PPL: variants seen among roughly 807,000 people sequenced by gnomAD.
PPL encodes 190 kDa paraneoplastic pemphigus antigen.
In PPL, 198 loss-of-function variants were observed where a neutral mutation model predicts 194.4. The observed-to-expected ratio is 1.02, with a 90% CI of 0.91 to 1.15. PPL has a LOEUF of 1.15. PPL is among the 50% of genes most tolerant of loss of function. The probability of loss-of-function intolerance (pLI) is 0.00; values close to 1 mark genes in which losing one functional copy is unlikely to be tolerated. For missense variants in PPL, 2,885 were observed against 2,294.8 expected (o/e 1.26, Z -5.25); for synonymous variants, 1,220 against 972.4 (o/e 1.25, Z -4.74).
chr16:4,893,595 T>G lies in PPL; in HGVS notation c.1438A>C (p.Ser480Arg). Residue 480 changes from serine (S) to arginine (R), a missense_variant, in exon 13 of 22, where the codon AGC (serine) becomes CGC (arginine). Transcript: ENST00000345988. ...YRSVRQKAAG[S>R]KRTLQQRYEV... ...TACCGCTGCTGCAGCGTGCGTTTGCTCCCAGCTGCCTTCTGCCGCACGCTC... is the reference window on the plus strand; with the variant it reads ...TACCGCTGCTGCAGCGTGCGTTTGCGCCCAGCTGCCTTCTGCCGCACGCTC... The G allele has an allele frequency of 6.2e-7, 1 of 1,610,500 alleles. No homozygotes were observed. The highest frequency in any genetic ancestry group is 8.5e-7 in the Non-Finnish European group (1 of 1,179,424).
At chr16:4,901,440 G>A (rs553524613) in intron 4 of PPL, among the ~76,000 whole-genome samples, 1 of 152,186 alleles carries the variant, frequency 6.6e-6, no homozygotes, top group Admixed American at 6.5e-5. Flanking sequence ...TGTCATCCAG[G>A]CACTTTGGGA....
chr16:4,920,319 A>AAAAGAAAG (rs879640822), intron 1 of PPL, among the ~76,000 whole-genome samples: 39 of 70,418 alleles, frequency 5.5e-4, no homozygotes, highest in African/African-American at 1.0e-3. Flanking sequence ...AGAAGGAAAG[A>AAAAGAAAG]AAAGAAAGAA....
intron 1 of PPL, 148 bp downstream of exon 1, chr16:4,936,836 C>T: frequency 1.3e-6 from 1 of 749,050 alleles, no homozygotes; most frequent in Non-Finnish European, 1.9e-6. Flanking sequence ...CTCGGTCCCG[C>T]GTTCCCGAGA....
Position 4,888,192 on chromosome 16 carries a change from T to C in PPL, c.2424A>G (p.Leu808=). ...VKDYELEAEK[L]RSLLDLENGR... ...CATTCTCCAAGTCGAGAAGAGACCTTAGTTTTTCTGCTTCTAACTCATAGT... is the reference window on the plus strand; with the variant it reads ...CATTCTCCAAGTCGAGAAGAGACCTCAGTTTTTCTGCTTCTAACTCATAGT... Residue 808 remains leucine (L), a synonymous_variant, in exon 20 of 22, where the codon CTA becomes CTG. Transcript: ENST00000345988. 6.2e-7 allele frequency: 1 copy of C among 1,613,046 alleles called. No individual in the cohort carries two copies. Among genetic ancestry groups the C allele is most frequent in the Non-Finnish European group, 8.5e-7 (1 of 1,179,042 alleles).
At chr16:4,888,642 A>G (rs1426317949) in intron 19 of PPL, 2 of 357,038 alleles carry the variant, frequency 5.6e-6, no homozygotes, top group Admixed American at 8.4e-5. Context: ...TCCACTGGAC[A>G]CCAGTCCTTT....
intron 4 of PPL, among the ~76,000 whole-genome samples, chr16:4,901,948 A>G (rs1241531250): frequency 2.9e-5 from 2 of 68,578 alleles, no homozygotes; most frequent in Non-Finnish European, 8.3e-5. Flanking sequence ...TCAAAAATAA[A>G]TAAATAAATA....
intron 2 of PPL, among the ~76,000 whole-genome samples, chr16:4,908,171 A>C (rs1440133144): frequency 6.6e-6 from 1 of 150,974 alleles, no homozygotes; most frequent in Non-Finnish European, 1.5e-5. Flanking sequence ...CCAAAAAAAA[A>C]AAAAAAAAAA....
chr16:4,895,157 G>A, intron 11 of PPL, 104 bp downstream of exon 11: 1 of 1,377,236 alleles, frequency 7.3e-7, no homozygotes. Context: ...ACCAACCACG[G>A]AGACAGGCAC....
chr16:4,890,443 C>T, intron 17 of PPL, 109 bp from the exon 18 acceptor site: 5 of 1,335,088 alleles, frequency 3.7e-6, no homozygotes, highest in Non-Finnish European at 5.0e-6. Context: ...CCAGAAATAC[C>T]CCAAGTATCT....
chr16:4,893,874 A>G (rs2088368508), intron 12 of PPL: 1 of 564,698 alleles, frequency 1.8e-6, no homozygotes, highest in Non-Finnish European at 3.2e-6. Flanking sequence ...TGTCTGTCCA[A>G]TAATCACCAC....
intron 18 of PPL, 52 bp downstream of exon 18, chr16:4,890,125 TTGACCTC>T: frequency 6.2e-7 from 1 of 1,611,972 alleles, no homozygotes; most frequent in Non-Finnish European, 8.5e-7. Flanking sequence ...AAGGGGCTTG[TTGACCTC>T]TGACCCTCCC....
Position 4,885,659 on chromosome 16 carries a change from C to T in PPL, c.2996G>A (p.Arg999His), listed in dbSNP as rs995161814. 30 of 1,612,700 alleles carry T rather than the reference C, an allele frequency of 1.9e-5. No individual in the cohort carries two copies. The highest frequency in any genetic ancestry group is 6.7e-5 in the African/African-American group (5 of 74,796). Reference protein sequence around the residue: ...GQEYVVKEVLRIEPDRAQADE... With the variant: ...GQEYVVKEVLHIEPDRAQADE... ...CGCCTGGGCCCTGTCAGGCTCGATG[C>T]GCAGGACCTCCTTGACCACGTACTC... The change falls in exon 22 of 22, where the codon CGC becomes CAC. Residue 999 changes from arginine (R) to histidine (H), a missense_variant. Coordinates refer to ENST00000345988, the MANE Select transcript of PPL (RefSeq NM_002705.5). The surrounding 1 kb of genome is among the most constrained non-coding windows in gnomAD (Gnocchi z 6.3).
intron 1 of PPL, among the ~76,000 whole-genome samples, chr16:4,923,887 G>A (rs1398752368): frequency 6.6e-6 from 1 of 152,208 alleles, no homozygotes; most frequent in African/African-American, 2.4e-5. Flanking sequence ...GCCAGGGCAG[G>A]GCTCTTTGTC....
intron 2 of PPL, among the ~76,000 whole-genome samples, chr16:4,909,717 T>C (rs970144173): frequency 3.9e-5 from 6 of 152,032 alleles, no homozygotes; most frequent in African/African-American, 1.4e-4. Flanking sequence ...GTGTGAGCCA[T>C]TACGCACCTG....
intron 16 of PPL, 68 bp downstream of exon 16, chr16:4,891,743 C>A: frequency 6.6e-7 from 1 of 1,525,026 alleles, no homozygotes; most frequent in Non-Finnish European, 8.8e-7. Context: ...TCCAGACGGG[C>A]GGGTGGATGT....
chr16:4,920,371 G>GAAAGAAAGAAAGAAAGAAAGAAAGAAA lies in PPL; in HGVS notation c.63-9423_63-9422insTTTCTTTCTTTCTTTCTTTCTTTCTTT. ...AGAAAGAAAGAAAGAAAGAAAGAAAGGACACCTCGGTCAAATTTCAAAGAC... is the reference window on the plus strand; with the variant it reads ...AGAAAGAAAGAAAGAAAGAAAGAAAGAAAGAAAGAAAGAAAGAAAGAAAGAAAGACACCTCGGTCAAATTTCAAAGAC... On this transcript the variant is annotated intron_variant, in intron 1 of 21. Coordinates refer to ENST00000345988, the MANE Select transcript of PPL (RefSeq NM_002705.5). 9.3e-3 allele frequency among the ~76,000 whole-genome samples: 878 copies of GAAAGAAAGAAAGAAAGAAAGAAAGAAA among 94,176 alleles called. 286 individuals carry two copies. The highest frequency in any genetic ancestry group is 0.015 in the South Asian group (34 of 2,222). The allele number at this position is 94,176 out of a possible 152,430, so 61.8% of individuals were successfully genotyped here.
intron 20 of PPL, among the ~76,000 whole-genome samples, chr16:4,887,793 G>C (rs745800940): frequency 1.3e-5 from 2 of 152,090 alleles, no homozygotes; most frequent in African/African-American, 2.4e-5. Context: ...ATGGGGTCCT[G>C]CTTTGTTGCC....
chr16:4,894,756 G>GTCCAAGT, intron 11 of PPL, 138 bp from the exon 12 acceptor site: 3 of 976,614 alleles, frequency 3.1e-6, no homozygotes, highest in Non-Finnish European at 4.4e-6. Flanking sequence ...AGTGGGGAGG[G>GTCCAAGT]GCATGCAGGA....
chr16:4,921,473 TATTG>T (rs1403977791), intron 1 of PPL, among the ~76,000 whole-genome samples: 1 of 152,090 alleles, frequency 6.6e-6, no homozygotes, highest in Non-Finnish European at 1.5e-5. Context: ...CGACCTGCTT[TATTG>T]ATTGATTGAG....
Sources: gnomAD v4.1 joint callset for allele counts (sites outside exome capture counted in the v4.1 genomes callset) on GRCh38, gnomAD v4.1.1 for gene constraint, Gnocchi (gnomAD v3.1) non-coding constraint, MANE v1.5 for transcripts, NCBI Gene and HGNC (gene_info 2026-07-23, HGNC 2026-07-21) for gene names.